The following DCTPP1 variants were observed in gnomAD, a reference collection of about 807,000 sequenced individuals.
DCTPP1 encodes the protein XTP3-transactivated gene A protein.
In DCTPP1, 8 loss-of-function variants were observed where a neutral mutation model predicts 8.8. The observed-to-expected ratio is 0.91, with a 90% CI of 0.54 to 1.64. The LOEUF (loss-of-function observed/expected upper bound fraction) is 1.64. DCTPP1 is among the 40% of genes most tolerant of loss of function. DCTPP1 has a pLI of 0.00. For missense variants in DCTPP1, 231 were observed against 230.4 expected, an observed-to-expected ratio of 1.00 and a Z score of -0.02; for synonymous variants, 85 against 92.1, an observed-to-expected ratio of 0.92 and a Z score of 0.44.
intron 1 of DCTPP1, chr16:30,429,504 C>T (rs2050212551): frequency 2.4e-6 from 1 of 416,848 alleles, no homozygotes; most frequent in Non-Finnish European, 4.3e-6. Context: ...TTCCACAGAC[C>T]CTTCCTCTAA....
chr16:30,426,247 C>T (rs1264461668), intron 2 of DCTPP1, among the ~76,000 whole-genome samples: 6 of 152,166 alleles, frequency 3.9e-5, no homozygotes, highest in Non-Finnish European at 8.8e-5. Context: ...ACGATCTTGG[C>T]TCACTGCAAG....
chr16:30,424,793 G>A (rs1393056718), intron 2 of DCTPP1, among the ~76,000 whole-genome samples: 3 of 152,194 alleles, frequency 2.0e-5, no homozygotes, highest in South Asian at 2.1e-4. Flanking sequence ...AGCCCTAGCC[G>A]TCACCACCAC....
rs1478106108 is a variant in DCTPP1, at chr16:30,424,190, T to A, written c.*43A>T. The A allele has an allele frequency of 6.2e-7, 1 of 1,601,042 alleles. No homozygotes were observed. The highest frequency in any genetic ancestry group is 1.3e-5 in the African/African-American group (1 of 74,716). ...GCTCCAGGGCCAGGCCACTCTCTGC[T>A]CTTCAGACACCACCCTGAGTTGCAA... On this transcript the variant is annotated 3_prime_UTR_variant, in exon 3 of 3. Transcript: ENST00000319285.
In DCTPP1 at chr16:30,424,516, C is replaced by G; in HGVS notation, c.230G>C (p.Gly77Ala). 1 of 1,613,854 alleles carries G rather than the reference C, an allele frequency of 6.2e-7. No homozygotes were observed. Among genetic ancestry groups the G allele is most frequent in the Non-Finnish European group, 8.5e-7 (1 of 1,179,996 alleles). ...LAELFQWKTD[G>A]EPGPQGWSPR... ...GGACCAGCCTTGGGGGCCAGGTTCCCCATCGGTTTTCCACTGACTAGGGGC... is the reference window on the plus strand; with the variant it reads ...GGACCAGCCTTGGGGGCCAGGTTCCGCATCGGTTTTCCACTGACTAGGGGC... Residue 77 changes from glycine to alanine, a missense_variant, in exon 3 of 3, where the codon GGG (glycine) becomes GCG (alanine). By Grantham distance (60) the Gly-to-Ala change is moderately conservative. Coordinates refer to ENST00000319285, the MANE Select transcript of DCTPP1 (RefSeq NM_024096.2).
At chr16:30,426,390 T>C (rs1163977782) in intron 2 of DCTPP1, among the ~76,000 whole-genome samples, 1 of 151,676 alleles carries the variant, frequency 6.6e-6, no homozygotes, top group Non-Finnish European at 1.5e-5. Context: ...TCAGCCAGGA[T>C]GGTCTCGATC....
Position 30,429,904 on chromosome 16 carries a change from C to T in DCTPP1, c.77G>A (p.Ser26Asn). 1.3e-6 allele frequency: 2 copies of T among 1,596,322 alleles called. No individual in the cohort carries two copies. The highest frequency in any genetic ancestry group is 1.7e-4 in the Middle Eastern group (1 of 6,012). Residue 26 changes from serine (S) to asparagine (N), a missense_variant, in exon 1 of 3, where the codon AGC becomes AAC. Physicochemically the swap from Ser to Asn is conservative, Grantham distance 46 (BLOSUM62 1). Transcript: ENST00000319285. ...CATGTCCTCGAGCGTGGGCTCCGGG[C>T]TGAAGCTGAACCGGCCGGGAGCAGC... ...DTAAPGRFSF[S>N]PEPTLEDIRR...
At chr16:30,427,318 GT>G (rs546038682) in intron 2 of DCTPP1, among the ~76,000 whole-genome samples, 61 of 127,708 alleles carry the variant, frequency 4.8e-4, no homozygotes, top group Non-Finnish European at 4.4e-4. Flanking sequence ...CCCCTTTTTT[GT>G]TTTTTTTTTT....
intron 1 of DCTPP1, chr16:30,429,515 G>T (rs2050212606): frequency 2.5e-6 from 1 of 405,402 alleles, no homozygotes; most frequent in Non-Finnish European, 4.4e-6. Flanking sequence ...CTTCCTCTAA[G>T]AAGCCTTTCT....
intron 2 of DCTPP1, among the ~76,000 whole-genome samples, chr16:30,428,129 C>G (rs1299198073): frequency 1.3e-5 from 2 of 152,214 alleles, no homozygotes; most frequent in Non-Finnish European, 2.9e-5. Flanking sequence ...ACCTTTCCAA[C>G]ACTCATATCT....
chr16:30,428,978 A>C, intron 2 of DCTPP1, 79 bp downstream of exon 2: 1 of 1,404,804 alleles, frequency 7.1e-7, no homozygotes, highest in Non-Finnish European at 9.8e-7. Flanking sequence ...TGAACCCATG[A>C]ATGTTTGAAG....
chr16:30,425,908 CT>C (rs2050189784), intron 2 of DCTPP1, among the ~76,000 whole-genome samples: 3 of 152,196 alleles, frequency 2.0e-5, no homozygotes, highest in Admixed American at 2.0e-4. Context: ...GGAATACAAT[CT>C]AAACTCTTGA....
At chr16:30,428,205 T>C (rs1272527994) in intron 2 of DCTPP1, among the ~76,000 whole-genome samples, 1 of 152,142 alleles carries the variant, frequency 6.6e-6, no homozygotes, top group African/African-American at 2.4e-5. Flanking sequence ...TGGGTTCAAC[T>C]CCCACCCCTC....
At position 30,429,916 on chromosome 16, in the gene DCTPP1, C is replaced by T. The variant is rs369621327; in HGVS notation, c.65G>A (p.Arg22Gln). 51 of 1,594,770 alleles carry T rather than the reference C, an allele frequency of 3.2e-5. No individual in the cohort carries two copies. The African/African-American group carries it at 4.5e-4, about 14-fold the overall frequency. Residue 22 changes from arginine (R) to glutamine (Q), a missense_variant, in exon 1 of 3, where the codon CGG becomes CAG. Physicochemically the swap from Arg to Gln is conservative, Grantham distance 43. Coordinates refer to ENST00000319285, the MANE Select transcript of DCTPP1 (RefSeq NM_024096.2). ...CGTGGGCTCCGGGCTGAAGCTGAAC[C>T]GGCCGGGAGCAGCAGTGTCCTCTCC... ...TGGEDTAAPG[R>Q]FSFSPEPTLE...
intron 2 of DCTPP1, 96 bp from the exon 3 acceptor site, chr16:30,424,629 A>T: frequency 6.8e-7 from 1 of 1,472,554 alleles, no homozygotes; most frequent in Non-Finnish European, 9.1e-7. Context: ...TCCAAGGACG[A>T]CCTAACCAAT....
At chr16:30,425,870 C>T (rs1191137956) in intron 2 of DCTPP1, among the ~76,000 whole-genome samples, 1 of 152,156 alleles carries the variant, frequency 6.6e-6, no homozygotes, top group Non-Finnish European at 1.5e-5. Context: ...TATTTTTCCC[C>T]TTCTCTGCTA....
At chr16:30,429,294 G>T in intron 1 of DCTPP1, 127 bp from the exon 2 acceptor site, 1 of 896,956 alleles carries the variant, frequency 1.1e-6, no homozygotes, top group Non-Finnish European at 1.7e-6. Context: ...TAATTCATTG[G>T]ATGGTATTGT....
In DCTPP1 at chr16:30,424,100, G is replaced by T; in HGVS notation, c.*133C>A. 9.1e-6 allele frequency: 10 copies of T among 1,102,572 alleles called. No homozygotes were observed. The highest frequency in any genetic ancestry group is 1.3e-5 in the Non-Finnish European group (10 of 792,358). The allele number at this position is 1,102,572 out of a possible 1,614,324, so 68.3% of individuals were successfully genotyped here. A position where few individuals can be genotyped will look rare whatever the true frequency, so the allele number is the denominator to read the frequency against. Reference sequence around the variant, plus strand: ...AGGAGGCTACCTTCTAGAGGCTGCTGGGCCTCAGACCTCAAGAAGTGGAGG... The same window carrying T: ...AGGAGGCTACCTTCTAGAGGCTGCTTGGCCTCAGACCTCAAGAAGTGGAGG... On this transcript the variant is annotated 3_prime_UTR_variant, in exon 3 of 3. Coordinates refer to ENST00000319285, the MANE Select transcript of DCTPP1 (RefSeq NM_024096.2).
intron 2 of DCTPP1, 112 bp downstream of exon 2, chr16:30,428,945 G>C: frequency 1.7e-6 from 2 of 1,158,454 alleles, no homozygotes; most frequent in African/African-American, 1.5e-5. Flanking sequence ...ACAGCAAAGA[G>C]CCTAGCAATC....
chr16:30,429,215 T>A (rs1315344026), intron 1 of DCTPP1, 48 bp from the exon 2 acceptor site: 4 of 1,603,276 alleles, frequency 2.5e-6, no homozygotes. Flanking sequence ...GGTTAGAGGG[T>A]GATGCAGGGG....
Sources: gnomAD v4.1 joint callset for allele counts (sites outside exome capture counted in the v4.1 genomes callset) on GRCh38, gnomAD v4.1.1 for gene constraint, MANE v1.5 for transcripts, NCBI Gene and HGNC (gene_info 2026-07-23, HGNC 2026-07-21) for gene names.